The following PHACTR1 variants were observed in gnomAD, a reference collection of about 807,000 sequenced individuals.
The protein encoded by PHACTR1 is phosphatase and actin regulator 1.
PHACTR1 carries 16 observed loss-of-function variants against 69.2 expected under a neutral mutation model. The observed-to-expected ratio is 0.23, with a 90% CI of 0.16 to 0.35. The LOEUF (loss-of-function observed/expected upper bound fraction) is 0.35. Ranked by LOEUF, PHACTR1 falls within the 10% of genes least tolerant of loss-of-function variation. The pLI, the probability that PHACTR1 is intolerant of heterozygous loss-of-function variation, is 1.00. For missense variants in PHACTR1, 510 were observed against 734.7 expected, an observed-to-expected ratio of 0.69 and a Z score of 3.54; for synonymous variants, 312 against 284.5, an observed-to-expected ratio of 1.10 and a Z score of -0.97.
At chr6:12,886,068 G>A (rs933126162) in intron 4 of PHACTR1, among the ~76,000 whole-genome samples, 15 of 152,216 alleles carry the variant, frequency 9.9e-5, no homozygotes, top group South Asian at 2.1e-4. Flanking sequence ...CCACTCCAGC[G>A]TGGGTGACAG....
chr6:13,137,576 A>G (rs1035838538), intron 5 of PHACTR1, among the ~76,000 whole-genome samples: 4 of 152,232 alleles, frequency 2.6e-5, no homozygotes, highest in Admixed American at 1.3e-4. Context: ...AGATTAAATA[A>G]CATTCAAGTT....
At chr6:13,216,244 ATTAC>A (rs960054776) in intron 8 of PHACTR1, among the ~76,000 whole-genome samples, 5 of 152,222 alleles carry the variant, frequency 3.3e-5, no homozygotes, top group African/African-American at 1.2e-4. Context: ...CATGGTTACA[ATTAC>A]TTTTCTTCAT....
chr6:12,760,984 C>G (rs1213522363), intron 4 of PHACTR1, among the ~76,000 whole-genome samples: 1 of 152,138 alleles, frequency 6.6e-6, no homozygotes, highest in East Asian at 1.9e-4. Flanking sequence ...ACCAGTGGAG[C>G]ATCTTCTCTT....
chr6:13,281,384 T>G, intron 12 of PHACTR1: 1 of 324,894 alleles, frequency 3.1e-6, no homozygotes, highest in Non-Finnish European at 6.1e-6. Flanking sequence ...CGAAACCCTA[T>G]CTCTATTAAA....
At chr6:12,896,093 T>C (rs1784639813) in intron 4 of PHACTR1, among the ~76,000 whole-genome samples, 1 of 152,214 alleles carries the variant, frequency 6.6e-6, no homozygotes, top group African/African-American at 2.4e-5. Flanking sequence ...TTTAGGGAAT[T>C]AACAACAGAA....
intron 4 of PHACTR1, among the ~76,000 whole-genome samples, chr6:12,758,222 A>G (rs966062014): frequency 8.5e-5 from 13 of 152,128 alleles, no homozygotes; most frequent in Admixed American, 1.3e-4. Flanking sequence ...AGGCAGGCAG[A>G]TTACAAGGTC....
At chr6:12,756,373 G>A (rs1767322431) in intron 4 of PHACTR1, among the ~76,000 whole-genome samples, 1 of 152,154 alleles carries the variant, frequency 6.6e-6, no homozygotes, top group Admixed American at 6.5e-5. Flanking sequence ...ACCCACTTTG[G>A]TAGGTGCTAA....
intron 4 of PHACTR1, among the ~76,000 whole-genome samples, chr6:12,858,571 T>C (rs1008575972): frequency 2.0e-5 from 3 of 151,990 alleles, no homozygotes; most frequent in Non-Finnish European, 4.4e-5. Context: ...GGTGGGAGGA[T>C]TGCTTGAGGC....
chr6:12,794,995 C>G (rs1421840361), intron 4 of PHACTR1, among the ~76,000 whole-genome samples: 2 of 152,174 alleles, frequency 1.3e-5, no homozygotes, highest in Non-Finnish European at 2.9e-5. Flanking sequence ...ATGACCTAGA[C>G]AGACTCTTGC....
chr6:13,093,308 C>A (rs1393939843), intron 5 of PHACTR1, among the ~76,000 whole-genome samples: 1 of 152,126 alleles, frequency 6.6e-6, no homozygotes, highest in Non-Finnish European at 1.5e-5. Flanking sequence ...GCATATATTG[C>A]AACAACTTAA....
chr6:12,941,219 A>G (rs1410362721), intron 4 of PHACTR1, among the ~76,000 whole-genome samples: 1 of 152,192 alleles, frequency 6.6e-6, no homozygotes, highest in African/African-American at 2.4e-5. Flanking sequence ...AGGCTAAACC[A>G]GACCAGCAGT....
intron 4 of PHACTR1, among the ~76,000 whole-genome samples, chr6:12,863,038 A>T (rs1302762570): frequency 6.6e-6 from 1 of 152,244 alleles, no homozygotes; most frequent in Non-Finnish European, 1.5e-5. Flanking sequence ...GGGGACTCTG[A>T]TAAATACATC....
At chr6:13,043,562 G>C (rs1804541883) in intron 4 of PHACTR1, among the ~76,000 whole-genome samples, 1 of 152,232 alleles carries the variant, frequency 6.6e-6, no homozygotes, top group South Asian at 2.1e-4. Context: ...TTGGAATACA[G>C]ACATGCCCAT....
At chr6:13,271,064 A>G (rs1001814511) in intron 10 of PHACTR1, among the ~76,000 whole-genome samples, 3 of 148,604 alleles carry the variant, frequency 2.0e-5, no homozygotes, top group African/African-American at 7.5e-5. Flanking sequence ...GCTGGAGTGC[A>G]GTGGCGCAAT....
intron 4 of PHACTR1, among the ~76,000 whole-genome samples, chr6:13,014,579 T>C (rs539395025): frequency 7.9e-5 from 12 of 152,270 alleles, no homozygotes; most frequent in African/African-American, 2.6e-4. Context: ...GGCATCAGTT[T>C]GGAGAGGCGG....
intron 4 of PHACTR1, among the ~76,000 whole-genome samples, chr6:12,959,214 A>G (rs1792362227): frequency 6.6e-6 from 1 of 151,418 alleles, no homozygotes; most frequent in Non-Finnish European, 1.5e-5. Context: ...AAAAAAAAGA[A>G]AAGAAAACAG....
intron 4 of PHACTR1, among the ~76,000 whole-genome samples, chr6:12,840,365 G>T (rs1043700855): frequency 1.3e-5 from 2 of 152,132 alleles, no homozygotes; most frequent in African/African-American, 4.8e-5. Flanking sequence ...GGCATATCTA[G>T]CTTATTATCT....
intron 5 of PHACTR1, among the ~76,000 whole-genome samples, chr6:13,079,509 A>G (rs535753763): frequency 2.0e-5 from 3 of 152,056 alleles, no homozygotes; most frequent in Admixed American, 1.3e-4. Context: ...TGAGCTTCTC[A>G]TTAATTTTTC....
chr6:13,064,156 T>C (rs2127757965), intron 5 of PHACTR1, among the ~76,000 whole-genome samples: 1 of 152,200 alleles, frequency 6.6e-6, no homozygotes, highest in East Asian at 1.9e-4. Flanking sequence ...AGAAGACTGG[T>C]TAGCAGGTGG....
Sources: allele counts gnomAD v4.1 joint callset (sites outside exome capture counted in the v4.1 genomes callset), GRCh38; gene constraint gnomAD v4.1.1; transcripts MANE v1.5; gene names NCBI Gene and HGNC (gene_info 2026-07-23, HGNC 2026-07-21).